CNOT2: variants seen among roughly 807,000 people sequenced by gnomAD.
The protein encoded by CNOT2 is CC chemokine receptor 4-negative regulator of transcription 2.
CNOT2 carries 7 observed loss-of-function variants against 72.1 expected under a neutral mutation model. The observed-to-expected ratio is 0.10, with a 90% confidence interval of 0.06 to 0.18. The LOEUF is 0.18. Ranked by LOEUF, CNOT2 falls within the 10% of genes least tolerant of loss-of-function variation. The pLI is 1.00. For synonymous variants in CNOT2, 196 were observed against 225.6 expected (o/e 0.87, Z 1.17); for missense variants, 345 against 660.3 (o/e 0.52, Z 5.23).
At chr12:70,287,214 T>TA (rs1871063321) in intron 2 of CNOT2, among the ~76,000 whole-genome samples, 1 of 40,376 alleles carries the variant, frequency 2.5e-5, no homozygotes, top group Admixed American at 3.6e-4. Flanking sequence ...ACCTTATATA[T>TA]TTTTTTCCTC....
intron 15 of CNOT2, among the ~76,000 whole-genome samples, chr12:70,353,218 G>A (rs139747588): frequency 0.078 from 11,806 of 151,618 alleles, 567 homozygotes; most frequent in Admixed American, 0.15. Context: ...TACTACAGGC[G>A]TGCACCACTA....
intron 2 of CNOT2, among the ~76,000 whole-genome samples, chr12:70,288,613 T>C (rs1045286351): frequency 6.6e-6 from 1 of 152,216 alleles, no homozygotes; most frequent in Admixed American, 6.5e-5. Context: ...CACTTAAAAA[T>C]GTAACCTCTG....
At chr12:70,254,234 T>C (rs1407409445) in intron 1 of CNOT2, among the ~76,000 whole-genome samples, 4 of 29,498 alleles carry the variant, frequency 1.4e-4, no homozygotes, top group Non-Finnish European at 3.0e-4. Flanking sequence ...CGAGACTCTG[T>C]CTCAAAAAAA....
rs1428086324 is a variant in CNOT2 at position 70,354,130 on chromosome 12, C to T, written c.*215C>T. Reference sequence around the variant, plus strand: ...AACTAAATTTGTAATTTGTTTTTCTCTAGTTTGAGCAGGGTCTGAATTTTT... The same window carrying T: ...AACTAAATTTGTAATTTGTTTTTCTTTAGTTTGAGCAGGGTCTGAATTTTT... On this transcript the variant is annotated 3_prime_UTR_variant, in exon 16 of 16. Coordinates refer to ENST00000229195, the MANE Select transcript of CNOT2 (RefSeq NM_014515.7). 1 of 906,424 alleles carries T rather than the reference C, an allele frequency of 1.1e-6. No individual in the cohort carries two copies. Among genetic ancestry groups the T allele is most frequent in the African/African-American group, 1.7e-5 (1 of 58,388 alleles). 56.1% of individuals were successfully genotyped at this position (906,424 alleles called of 1,614,324 possible). A position where few individuals can be genotyped will look rare whatever the true frequency, so the allele number is the denominator to read the frequency against.
At chr12:70,293,260 A>C (rs1453632623) in intron 2 of CNOT2, among the ~76,000 whole-genome samples, 1 of 151,652 alleles carries the variant, frequency 6.6e-6, no homozygotes, top group Non-Finnish European at 1.5e-5. Flanking sequence ...TCCTGGGTTC[A>C]AGAGATTCTC....
At chr12:70,263,471 T>C (rs933694442) in intron 1 of CNOT2, among the ~76,000 whole-genome samples, 3 of 152,202 alleles carry the variant, frequency 2.0e-5, no homozygotes, top group South Asian at 2.1e-4. Flanking sequence ...GGTTCAGATA[T>C]GCTTTTGAGC....
chr12:70,251,753 ACT>A (rs1958152342), intron 1 of CNOT2, among the ~76,000 whole-genome samples: 2 of 151,998 alleles, frequency 1.3e-5, no homozygotes, highest in Non-Finnish European at 2.9e-5. Flanking sequence ...TGACTTTGAA[ACT>A]CTGTAGTCTA....
intron 1 of CNOT2, among the ~76,000 whole-genome samples, chr12:70,256,663 A>C (rs1432773408): frequency 6.6e-6 from 1 of 152,062 alleles, no homozygotes; most frequent in Non-Finnish European, 1.5e-5. Context: ...GAAGAAAATA[A>C]AAATCACTTC....
intron 11 of CNOT2, among the ~76,000 whole-genome samples, chr12:70,341,475 C>A (rs1456437896): frequency 6.6e-6 from 1 of 152,160 alleles, no homozygotes; most frequent in Non-Finnish European, 1.5e-5. Flanking sequence ...AATAATTATG[C>A]ATCCAGTCTC....
intron 3 of CNOT2, among the ~76,000 whole-genome samples, chr12:70,313,713 A>G (rs1321312203): frequency 6.6e-6 from 1 of 152,156 alleles, no homozygotes; most frequent in Non-Finnish European, 1.5e-5. Context: ...ATTTTGTATA[A>G]TAGGCCTTTA....
At chr12:70,349,178 C>A (rs982862086) in intron 15 of CNOT2, among the ~76,000 whole-genome samples, 8 of 151,980 alleles carry the variant, frequency 5.3e-5, no homozygotes, top group Non-Finnish European at 1.0e-4. Context: ...ATAAATTTTT[C>A]AAAAAATTCT....
chr12:70,250,606 G>T (rs1299180314), intron 1 of CNOT2, among the ~76,000 whole-genome samples: 1 of 152,116 alleles, frequency 6.6e-6, no homozygotes, highest in East Asian at 1.9e-4. Context: ...GGGGATAAAG[G>T]TACAGCAATT....
chr12:70,249,540 A>G (rs1299019699), intron 1 of CNOT2, among the ~76,000 whole-genome samples: 2 of 151,928 alleles, frequency 1.3e-5, no homozygotes, highest in Non-Finnish European at 2.9e-5. Flanking sequence ...TTTTAGCGCT[A>G]CTTTATAGAG....
intron 4 of CNOT2, among the ~76,000 whole-genome samples, chr12:70,326,941 C>G (rs1319851036): frequency 6.6e-6 from 1 of 151,832 alleles, no homozygotes; most frequent in African/African-American, 2.4e-5. Flanking sequence ...TCAAGGATGC[C>G]AATCCCTAAT....
intron 1 of CNOT2, among the ~76,000 whole-genome samples, chr12:70,261,590 A>G (rs1283007554): frequency 6.6e-6 from 1 of 151,736 alleles, no homozygotes; most frequent in East Asian, 1.9e-4. Context: ...TGCTGGGATT[A>G]CAGGCGTGAG....
At position 70,344,202 on chromosome 12, in the gene CNOT2, A is replaced by C. The variant is rs150799956; in HGVS notation, c.1365A>C (p.Val455=). The part of the protein sequence containing the change: ...FYLYYMNGGD[V]LQLLAAVELF... ...TCTATTACATGAATGGAGGAGACGT[A>C]TTACAACTTTTAGCTGCAGTGGAGC... Residue 455 remains valine, a synonymous_variant, in exon 14 of 16, where the codon GTA becomes GTC. Coordinates refer to ENST00000229195, the MANE Select transcript of CNOT2 (RefSeq NM_014515.7). The C allele has an allele frequency of 6.2e-7, 1 of 1,612,228 alleles. No homozygotes were observed. Among genetic ancestry groups the C allele is most frequent in the African/African-American group, 1.3e-5 (1 of 74,984 alleles).
chr12:70,308,867 A>T (rs11613565), intron 2 of CNOT2, among the ~76,000 whole-genome samples: 1 of 152,086 alleles, frequency 6.6e-6, no homozygotes, highest in Non-Finnish European at 1.5e-5. Flanking sequence ...ATTTGATGAG[A>T]GATGCCTTGA....
intron 2 of CNOT2, among the ~76,000 whole-genome samples, chr12:70,297,263 G>A (rs552018152): frequency 6.4e-4 from 97 of 152,296 alleles, no homozygotes; most frequent in African/African-American, 2.2e-3. Context: ...CAGTGCCTGA[G>A]AAACACTTTT....
At chr12:70,311,147 C>T in intron 3 of CNOT2, 130 bp downstream of exon 3, 1 of 576,024 alleles carries the variant, frequency 1.7e-6, no homozygotes, top group Non-Finnish European at 3.1e-6. Flanking sequence ...GTGCTAGTCC[C>T]TTTGGTGCTT....
Sources: allele counts gnomAD v4.1 joint callset (sites outside exome capture counted in the v4.1 genomes callset), GRCh38; gene constraint gnomAD v4.1.1; transcripts MANE v1.5; gene names NCBI Gene and HGNC (gene_info 2026-07-23, HGNC 2026-07-21).